NR5A1: variants seen among roughly 807,000 people sequenced by gnomAD.
NR5A1 encodes nuclear receptor subfamily 5 group A member 1, also known as steroidogenic factor 1.
NR5A1 carries 6 observed loss-of-function variants against 42.7 expected under a neutral mutation model. The observed-to-expected ratio is 0.14, with a 90% confidence interval of 0.08 to 0.28. The LOEUF is 0.28. NR5A1 is among the 10% of genes least tolerant of loss of function. The pLI is 1.00. For missense variants in NR5A1, 442 were observed against 626.4 expected, an observed-to-expected ratio of 0.71 and a Z score of 3.14; for synonymous variants, 274 against 277.5, an observed-to-expected ratio of 0.99 and a Z score of 0.12.
chr9:124,500,806 C>A lies in NR5A1; in HGVS notation c.245-91G>T. The A allele has an allele frequency of 1.3e-6, 2 of 1,589,114 alleles. No homozygotes were observed. Among genetic ancestry groups the A allele is most frequent in the Non-Finnish European group, 8.6e-7 (1 of 1,159,826 alleles). The stretch of plus-strand genomic sequence containing the variant: ...GATCCTTTCCAAACAAATCTGACCG[C>A]TCTCTCCCCTGCTCAACACCCTTTC... On this transcript the variant is annotated intron_variant, in intron 3 of 6. Coordinates refer to ENST00000373588, the MANE Select transcript of NR5A1 (RefSeq NM_004959.5). This position sits in a 1 kb window ranked among gnomAD's most constrained non-coding sequence, Gnocchi z 6.9.
At position 124,496,818 on chromosome 9, in the gene NR5A1, G is replaced by A. The variant is rs1484405847; in HGVS notation, c.870+3272C>T. Among the ~76,000 whole-genome samples the A allele has an allele frequency of 6.6e-6, 1 of 152,128 alleles. No homozygotes were observed. The highest frequency in any genetic ancestry group is 1.5e-5 in the Non-Finnish European group (1 of 68,020). ...GAACGGATGTCAAAATGGGTCACTG[G>A]GCACTCCTGGCCCCCACCGTCCCCC... On this transcript the variant is annotated intron_variant, in intron 4 of 6. Coordinates refer to ENST00000373588, the MANE Select transcript of NR5A1 (RefSeq NM_004959.5). This position sits in a 1 kb window ranked among gnomAD's most constrained non-coding sequence, Gnocchi z 5.0.
At chr9:124,491,036 C>CCCCCCCCCCA in intron 6 of NR5A1, 45 bp downstream of exon 6, 2 of 1,401,602 alleles carry the variant, frequency 1.4e-6, no homozygotes, top group Non-Finnish European at 9.6e-7. Context: ...CCCACCCACC[C>CCCCCCCCCCA]GCCTCTGGCT....
In NR5A1 at chr9:124,500,648, G is replaced by A. The variant is rs765579886; in HGVS notation, c.312C>T (p.Ala104=). 40 of 1,613,370 alleles carry A rather than the reference G, an allele frequency of 2.5e-5. No individual in the cohort carries two copies. The highest frequency in any genetic ancestry group is 6.6e-5 in the South Asian group (6 of 91,086). ...KFGPMYKRDR[A]LKQQKKAQIR... ...TCTGTGCCTTCTTCTGCTGTTTCAG[G>A]GCCCGGTCCCGCTTGTACATCGGCC... The change falls in exon 4 of 7, where the codon GCC becomes GCT. Residue 104 remains alanine (A), a synonymous_variant. Coordinates refer to ENST00000373588, the MANE Select transcript of NR5A1 (RefSeq NM_004959.5). This position sits in a 1 kb window ranked among gnomAD's most constrained non-coding sequence, Gnocchi z 6.9.
chr9:124,504,338 G>A (rs932918502), intron 1 of NR5A1, among the ~76,000 whole-genome samples: 3 of 152,194 alleles, frequency 2.0e-5, no homozygotes, highest in African/African-American at 7.2e-5. Flanking sequence ...CCAAGGCGAG[G>A]CCCCGCAGGG....
chr9:124,490,139 T>A (rs1832283717), intron 6 of NR5A1, among the ~76,000 whole-genome samples: 1 of 151,852 alleles, frequency 6.6e-6, no homozygotes, highest in Admixed American at 6.6e-5. Context: ...GCAAAATAAT[T>A]CATTCCCCCA....
chr9:124,502,932 G>A, intron 3 of NR5A1, 147 bp downstream of exon 3: 1 of 1,178,460 alleles, frequency 8.5e-7, no homozygotes, highest in South Asian at 1.6e-5. Context: ...GCCAGCGCCC[G>A]GTTCTCTTGC....
At chr9:124,494,226 T>A (rs1219277354) in intron 4 of NR5A1, among the ~76,000 whole-genome samples, 23 of 147,822 alleles carry the variant, frequency 1.6e-4, no homozygotes, top group Admixed American at 1.5e-3. Flanking sequence ...CAGCTGACAG[T>A]CATTCCACTG....
chr9:124,483,403 G>A (rs915032), intron 6 of NR5A1, among the ~76,000 whole-genome samples: 1 of 152,012 alleles, frequency 6.6e-6, no homozygotes, highest in Non-Finnish European at 1.5e-5. Context: ...TGAACCTCTC[G>A]GTCCCCCATC....
At chr9:124,488,181 G>T (rs1588616261) in intron 6 of NR5A1, among the ~76,000 whole-genome samples, 1 of 151,288 alleles carries the variant, frequency 6.6e-6, no homozygotes, top group Non-Finnish European at 1.5e-5. Flanking sequence ...CATACTGCTA[G>T]GCCCAGCTCA....
In NR5A1 at chr9:124,501,495, C is replaced by T. The variant is rs1006023397; in HGVS notation, c.245-780G>A. The stretch of plus-strand genomic sequence containing the variant: ...ACATCTCTGCAGCTGGAGTGTGCCC[C>T]CCGCCCCTGCTCAGACAGGGCCCCA... On this transcript the variant is annotated intron_variant, in intron 3 of 6. Transcript: ENST00000373588. This position sits in a 1 kb window ranked among gnomAD's most constrained non-coding sequence, Gnocchi z 4.1. 6.6e-6 allele frequency among the ~76,000 whole-genome samples: 1 copy of T among 152,244 alleles called. No individual in the cohort carries two copies. Among genetic ancestry groups the T allele is most frequent in the Non-Finnish European group, 1.5e-5 (1 of 68,046 alleles).
At position 124,497,829 on chromosome 9, in the gene NR5A1, A is replaced by G. The variant is rs114223890; in HGVS notation, c.870+2261T>C. Among the ~76,000 whole-genome samples, 601 of 152,276 alleles carry G rather than the reference A, an allele frequency of 3.9e-3. 3 individuals carry two copies. The highest frequency in any genetic ancestry group is 0.016 in the South Asian group (78 of 4,824). ...CGGGACCTTCGCCTCTGCTGTGCCCACTGCCTGGAATTCCCTGAACCTTCT... is the reference window on the plus strand; with the variant it reads ...CGGGACCTTCGCCTCTGCTGTGCCCGCTGCCTGGAATTCCCTGAACCTTCT... On this transcript the variant is annotated intron_variant, in intron 4 of 6. Transcript: ENST00000373588.
At chr9:124,493,945 G>A (rs567209178) in intron 4 of NR5A1, among the ~76,000 whole-genome samples, 23 of 152,238 alleles carry the variant, frequency 1.5e-4, no homozygotes, top group Admixed American at 6.5e-4. Context: ...TGAGGAATCC[G>A]CCACCCGGAA....
At chr9:124,486,835 C>A (rs1832217909) in intron 6 of NR5A1, among the ~76,000 whole-genome samples, 1 of 152,250 alleles carries the variant, frequency 6.6e-6, no homozygotes, top group Admixed American at 6.5e-5. Context: ...CCTGGAGACG[C>A]CCCCTTCATG....
At chr9:124,505,597 A>G (rs1832544822) in intron 1 of NR5A1, among the ~76,000 whole-genome samples, 1 of 152,060 alleles carries the variant, frequency 6.6e-6, no homozygotes, top group South Asian at 2.1e-4. Flanking sequence ...CTCTGGGGAG[A>G]TCTGGGGCGA....
At chr9:124,495,878 G>A (rs561686482) in intron 4 of NR5A1, among the ~76,000 whole-genome samples, 95 of 152,348 alleles carry the variant, frequency 6.2e-4, no homozygotes, top group African/African-American at 1.3e-3. Context: ...CAATATGGTC[G>A]CTGAGGCTTT....
chr9:124,491,036 C>CCCCCCCGCG, intron 6 of NR5A1, 45 bp downstream of exon 6: 1 of 1,401,602 alleles, frequency 7.1e-7, no homozygotes, highest in Non-Finnish European at 9.6e-7. Flanking sequence ...CCCACCCACC[C>CCCCCCCGCG]GCCTCTGGCT....
In NR5A1 at chr9:124,502,970, G is replaced by A. The variant is rs938116703; in HGVS notation, c.244+109C>T. 2.3e-5 allele frequency: 32 copies of A among 1,376,110 alleles called. No homozygotes were observed. The Middle Eastern group carries it at 1.6e-3, about 67-fold the overall frequency. The allele number at this position is 1,376,110 out of a possible 1,614,324, so 85.2% of individuals were successfully genotyped here. A position where few individuals can be genotyped will look rare whatever the true frequency, so the allele number is the denominator to read the frequency against. ...CGACTGGGCCCTAATGTCGCACGAG[G>A]GGCCTTCGCGAAGGCCAATGGTACT... On this transcript the variant is annotated intron_variant, in intron 3 of 6. Transcript: ENST00000373588.
chr9:124,492,381 C>G (rs1832329132), intron 5 of NR5A1, among the ~76,000 whole-genome samples: 1 of 149,456 alleles, frequency 6.7e-6, no homozygotes, highest in Non-Finnish European at 1.5e-5. Context: ...CTGGCCATGT[C>G]CCTCCTCCTC....
chr9:124,489,495 C>T (rs1411065887), intron 6 of NR5A1, among the ~76,000 whole-genome samples: 1 of 152,246 alleles, frequency 6.6e-6, no homozygotes, highest in East Asian at 1.9e-4. Flanking sequence ...CACATGCCAG[C>T]ACGCACGCAT....
Sources: gnomAD v4.1 joint callset for allele counts (sites outside exome capture counted in the v4.1 genomes callset) on GRCh38, gnomAD v4.1.1 for gene constraint, Gnocchi (gnomAD v3.1) non-coding constraint, MANE v1.5 for transcripts, NCBI Gene and HGNC (gene_info 2026-07-23, HGNC 2026-07-21) for gene names.